Variants in EYA1 observed in about 807,000 individuals in gnomAD.
EYA1 encodes protein phosphatase EYA1.
Under a neutral mutation model 82.0 loss-of-function variants are expected in EYA1, and 16 were observed. The ratio of observed to expected loss-of-function variants is 0.20; its 90% CI spans 0.13 to 0.30. The LOEUF is 0.30. Among genes scored for constraint, EYA1 ranks in the 10% least tolerant of loss-of-function variants. The probability of loss-of-function intolerance (pLI) is 1.00; values close to 1 mark genes in which losing one functional copy is unlikely to be tolerated. For synonymous variants in EYA1, 261 were observed against 264.4 expected (o/e 0.99, Z 0.12); for missense variants, 633 against 730.7 (o/e 0.87, Z 1.54).
intron 2 of EYA1, among the ~76,000 whole-genome samples, chr8:71,466,175 A>T (rs1003852028): frequency 4.6e-5 from 7 of 152,180 alleles, no homozygotes; most frequent in Non-Finnish European, 1.0e-4. Flanking sequence ...TGGCCTCAGA[A>T]ATATGACTAA....
chr8:71,495,940 T>C (rs1811379530), intron 2 of EYA1, among the ~76,000 whole-genome samples: 1 of 152,220 alleles, frequency 6.6e-6, no homozygotes, highest in Admixed American at 6.5e-5. Flanking sequence ...GTTTACTACA[T>C]TGCAGACTCT....
At chr8:71,480,597 G>A (rs952340709) in intron 2 of EYA1, among the ~76,000 whole-genome samples, 1 of 151,536 alleles carries the variant, frequency 6.6e-6, no homozygotes, top group African/African-American at 2.4e-5. Flanking sequence ...CAGCTGAATA[G>A]AAAAAAATCC....
At chr8:71,399,212 G>A (rs941695760) in intron 2 of EYA1, among the ~76,000 whole-genome samples, 4 of 152,164 alleles carry the variant, frequency 2.6e-5, no homozygotes, top group African/African-American at 9.7e-5. Flanking sequence ...CCTTTGCTAG[G>A]AAAGGGAATT....
chr8:71,284,093 C>A (rs951860352), intron 9 of EYA1, among the ~76,000 whole-genome samples: 1 of 152,160 alleles, frequency 6.6e-6, no homozygotes, highest in Admixed American at 6.5e-5. Flanking sequence ...AGCCGTAAGT[C>A]TCACTTGTCA....
intron 17 of EYA1, among the ~76,000 whole-genome samples, chr8:71,203,549 A>T (rs1324495487): frequency 1.3e-5 from 2 of 152,116 alleles, no homozygotes; most frequent in Non-Finnish European, 2.9e-5. Flanking sequence ...CCCAGTTAGG[A>T]GGAGTAATTG....
intron 11 of EYA1, among the ~76,000 whole-genome samples, chr8:71,245,896 G>A (rs573470286): frequency 5.3e-5 from 8 of 152,226 alleles, no homozygotes; most frequent in African/African-American, 1.9e-4. Flanking sequence ...ACAGTGCACC[G>A]TGGTTTCTAT....
chr8:71,350,996 C>G (rs1047054948), intron 3 of EYA1, among the ~76,000 whole-genome samples: 4 of 152,188 alleles, frequency 2.6e-5, no homozygotes, highest in Non-Finnish European at 4.4e-5. Context: ...GCCTTTGCCA[C>G]GCAGAGGCTT....
chr8:71,474,466 G>T (rs924914462), intron 2 of EYA1, among the ~76,000 whole-genome samples: 5 of 152,096 alleles, frequency 3.3e-5, no homozygotes, highest in Admixed American at 3.3e-4. Context: ...TCCCACAACA[G>T]CATGTTGTTT....
At chr8:71,244,957 T>A (rs2128905211) in intron 11 of EYA1, among the ~76,000 whole-genome samples, 1 of 152,336 alleles carries the variant, frequency 6.6e-6, no homozygotes, top group East Asian at 1.9e-4. Flanking sequence ...AAATTTAAAA[T>A]CTAGGGTTAC....
intron 4 of EYA1, among the ~76,000 whole-genome samples, chr8:71,330,453 C>G (rs1823705898): frequency 6.6e-6 from 1 of 152,196 alleles, no homozygotes; most frequent in South Asian, 2.1e-4. Flanking sequence ...TGAAACCACC[C>G]TGACCTCCTA....
intron 2 of EYA1, among the ~76,000 whole-genome samples, chr8:71,463,617 CTCTCTCTCTCT>C (rs1808552815): frequency 3.0e-5 from 4 of 132,320 alleles, no homozygotes; most frequent in Admixed American, 7.5e-5. Context: ...CTCTCTCTCT[CTCTCTCTCTCT>C]CTCTCCCTCC....
chr8:71,308,864 C>G (rs1821023315), intron 7 of EYA1, among the ~76,000 whole-genome samples: 1 of 152,160 alleles, frequency 6.6e-6, no homozygotes, highest in African/African-American at 2.4e-5. Flanking sequence ...AGAGCATTTT[C>G]TAGCACTTAC....
At chr8:71,419,686 A>G (rs1425344441) in intron 2 of EYA1, among the ~76,000 whole-genome samples, 2 of 152,106 alleles carry the variant, frequency 1.3e-5, no homozygotes, top group African/African-American at 2.4e-5. Flanking sequence ...AAGTTTTTTA[A>G]ATTAGCATTT....
chr8:71,225,310 A>T (rs1230786744), intron 12 of EYA1: 1 of 456,166 alleles, frequency 2.2e-6, no homozygotes, highest in Non-Finnish European at 4.4e-6. Context: ...TGACTCCTGG[A>T]GATGGGGAGG....
In EYA1 at chr8:71,493,089, T is replaced by C. The variant is rs555357951; in HGVS notation, c.33+42655A>G. On this transcript the variant is annotated intron_variant, in intron 2 of 18. Transcript: ENST00000643681. ...CCCATCCATGTTCCTGCAAAGGACA[T>C]GGTCTTGTTCTATTTTATGGCTGTA... Among the ~76,000 whole-genome samples, 9 of 152,356 alleles carry C rather than the reference T, an allele frequency of 5.9e-5. No individual in the cohort carries two copies. In the South Asian group the frequency reaches 1.9e-3, roughly 32 times the overall value.
chr8:71,457,111 G>C (rs912096250), intron 2 of EYA1, among the ~76,000 whole-genome samples: 5 of 152,130 alleles, frequency 3.3e-5, no homozygotes, highest in African/African-American at 1.2e-4. Flanking sequence ...GATATGAACA[G>C]ACACTTCTCA....
At chr8:71,362,148 G>A (rs1291926306), upstream of EYA1, 1 of 966,632 alleles carries the variant, frequency 1.0e-6, no homozygotes, top group African/African-American at 1.9e-5. Context: ...TGGAGCCTCG[G>A]GGCTTTCTTT....
At chr8:71,299,279 C>T in intron 8 of EYA1, 46 bp from the exon 9 acceptor site, 1 of 1,571,924 alleles carries the variant, frequency 6.4e-7, no homozygotes. Flanking sequence ...AATACTGCTG[C>T]TTATCTCTTA....
intron 3 of EYA1, among the ~76,000 whole-genome samples, chr8:71,337,905 G>C (rs1360051689): frequency 6.6e-6 from 1 of 152,226 alleles, no homozygotes; most frequent in Non-Finnish European, 1.5e-5. Flanking sequence ...GAATCTGGAA[G>C]TTAGCCAACT....
Sources: allele counts gnomAD v4.1 joint callset (sites outside exome capture counted in the v4.1 genomes callset), GRCh38; gene constraint gnomAD v4.1.1; transcripts MANE v1.5; gene names NCBI Gene and HGNC (gene_info 2026-07-23, HGNC 2026-07-21).